Variants in LMNTD1 observed in about 807,000 individuals in gnomAD.
LMNTD1 encodes the protein lamin tail domain containing 1.
In LMNTD1, 35 loss-of-function variants were observed where a neutral mutation model predicts 50.9. The ratio of observed to expected loss-of-function variants is 0.69; its 90% CI spans 0.53 to 0.91. LMNTD1 has a LOEUF of 0.91. Ranked by LOEUF, LMNTD1 falls within the 40% of genes least tolerant of loss-of-function variation. The pLI is 0.00. For synonymous variants in LMNTD1, 153 were observed against 161.9 expected (o/e 0.94, Z 0.42); for missense variants, 470 against 475.5 (o/e 0.99, Z 0.11).
intron 1 of LMNTD1, among the ~76,000 whole-genome samples, chr12:25,642,639 T>G (rs1946979356): frequency 6.6e-6 from 1 of 152,280 alleles, no homozygotes; most frequent in Admixed American, 6.5e-5. Context: ...ATTAGCTTTA[T>G]TCTCCAAATA....
chr12:25,619,252 C>CTCTCTCTCTCTCTCTCTATATATA (rs1374134268), intron 1 of LMNTD1, among the ~76,000 whole-genome samples: 1 of 84,444 alleles, frequency 1.2e-5, no homozygotes, highest in African/African-American at 5.1e-5. Context: ...CTCTCTCTCT[C>CTCTCTCTCTCTCTCTCTATATATA]TATATATATA....
chr12:25,601,332 G>A (rs1945968002), intron 1 of LMNTD1, among the ~76,000 whole-genome samples: 2 of 151,596 alleles, frequency 1.3e-5, no homozygotes, highest in Non-Finnish European at 3.0e-5. Context: ...GGTTGGGAGA[G>A]GTAGAGATGG....
At chr12:25,595,987 T>C (rs748122667) in intron 1 of LMNTD1, among the ~76,000 whole-genome samples, 3 of 151,928 alleles carry the variant, frequency 2.0e-5, no homozygotes, top group Non-Finnish European at 4.4e-5. Flanking sequence ...CTAGAAAACC[T>C]AGGGGAGATG....
At chr12:25,648,569 C>G, upstream of LMNTD1, 1 of 1,550,012 alleles carries the variant, frequency 6.5e-7, no homozygotes, top group Non-Finnish European at 8.7e-7. Context: ...CCTTAAGCTT[C>G]TTCTGTTATG....
intron 1 of LMNTD1, among the ~76,000 whole-genome samples, chr12:25,642,733 C>T (rs1946981317): frequency 1.3e-5 from 2 of 152,174 alleles, no homozygotes; most frequent in South Asian, 4.1e-4. Context: ...TTCTCCTCAT[C>T]TCAGAAAAGA....
At chr12:25,549,132 G>A (rs538520453) in intron 3 of LMNTD1, among the ~76,000 whole-genome samples, 194 bp downstream of exon 3, 1 of 152,100 alleles carries the variant, frequency 6.6e-6, no homozygotes, top group African/African-American at 2.4e-5. Context: ...ATGCATGTAT[G>A]TGGCCTGAAT....
At chr12:25,648,404 T>C (rs1947118728) in intron 1 of LMNTD1, 1 of 1,046,794 alleles carries the variant, frequency 9.6e-7, no homozygotes, top group Admixed American at 2.0e-5. Flanking sequence ...ATGACCACTT[T>C]CTAAAGTGTC....
intron 1 of LMNTD1, among the ~76,000 whole-genome samples, chr12:25,631,605 AC>A (rs1335803393): frequency 1.3e-5 from 2 of 152,214 alleles, no homozygotes; most frequent in East Asian, 1.9e-4. Context: ...GGGGAAGAGT[AC>A]TACATCAAGG....
intron 1 of LMNTD1, among the ~76,000 whole-genome samples, chr12:25,597,320 T>G (rs1373019280): frequency 6.6e-6 from 1 of 151,986 alleles, no homozygotes; most frequent in Admixed American, 6.6e-5. Flanking sequence ...AGACATTCCA[T>G]GCCAATGGAA....
intron 9 of LMNTD1, 24 bp downstream of exon 9, chr12:25,503,714 C>A: frequency 2.3e-6 from 3 of 1,313,642 alleles, no homozygotes; most frequent in East Asian, 2.3e-5. Context: ...GTGGAGAAAG[C>A]AAATTTGCAA....
intron 1 of LMNTD1, among the ~76,000 whole-genome samples, chr12:25,612,075 T>C (rs1030033765): frequency 1.3e-5 from 2 of 152,152 alleles, no homozygotes; most frequent in Non-Finnish European, 2.9e-5. Flanking sequence ...TTGTACCTAT[T>C]CAAAGGTTTT....
At chr12:25,553,333 T>A, upstream of LMNTD1, 1 of 1,101,040 alleles carries the variant, frequency 9.1e-7, no homozygotes, top group Non-Finnish European at 1.2e-6. Flanking sequence ...AGGTAATGTC[T>A]CCATAGTAAC....
intron 4 of LMNTD1, among the ~76,000 whole-genome samples, chr12:25,535,172 T>C (rs985348028): frequency 6.6e-6 from 1 of 152,106 alleles, no homozygotes; most frequent in Non-Finnish European, 1.5e-5. Context: ...GATTTAAAAA[T>C]ACACTGGATG....
Position 25,594,644 on chromosome 12 carries a change from A to C in LMNTD1, c.59-48090T>G, listed in dbSNP as rs190601699. 3.0e-3 allele frequency among the ~76,000 whole-genome samples: 379 copies of C among 126,236 alleles called. 3 individuals carry two copies. The highest frequency in any genetic ancestry group is 0.022 in the East Asian group (89 of 4,048). The allele number at this position is 126,236 out of a possible 152,430, so 82.8% of individuals were successfully genotyped here. A position where few individuals can be genotyped will look rare whatever the true frequency, so the allele number is the denominator to read the frequency against. Reference sequence around the variant, plus strand: ...ATAAATCTCACAGGACCTATAAAACAGAAATACAAAAAAAAAAAAAAAAAA... The same window carrying C: ...ATAAATCTCACAGGACCTATAAAACCGAAATACAAAAAAAAAAAAAAAAAA... On this transcript the variant is annotated intron_variant, in intron 1 of 7. Transcript: ENST00000445693.
At chr12:25,564,094 G>A (rs531294473) in intron 1 of LMNTD1, among the ~76,000 whole-genome samples, 28 of 152,216 alleles carry the variant, frequency 1.8e-4, no homozygotes, top group East Asian at 7.7e-4. Context: ...GACCCCTCGC[G>A]CTTCCCAGGT....
At chr12:25,634,985 A>C (rs1425207904) in intron 1 of LMNTD1, among the ~76,000 whole-genome samples, 2 of 152,180 alleles carry the variant, frequency 1.3e-5, no homozygotes, top group Non-Finnish European at 2.9e-5. Context: ...TCATGCCTGT[A>C]ATCTCAACAC....
intron 1 of LMNTD1, among the ~76,000 whole-genome samples, chr12:25,601,100 T>C (rs1362416158): frequency 6.6e-6 from 1 of 151,904 alleles, no homozygotes; most frequent in African/African-American, 2.4e-5. Context: ...CTATACATAG[T>C]GGAGTACTAC....
chr12:25,583,322 C>T (rs1056984839), intron 1 of LMNTD1, among the ~76,000 whole-genome samples: 2 of 116,338 alleles, frequency 1.7e-5, no homozygotes, highest in South Asian at 2.9e-4. Flanking sequence ...CCACCGTGCC[C>T]GGCCGGTAAT....
rs80286478 is a variant in LMNTD1 at position 25,493,452 on chromosome 12, T to C, written c.*22+10286A>G. On this transcript the variant is annotated intron_variant, in intron 9 of 9. Transcript: ENST00000458174. ...GTTAATTTATAATCTGTAGAACCAA[T>C]TGTTGCTTCAGAGAAGTATTCAAAC... 5.0e-3 allele frequency among the ~76,000 whole-genome samples: 764 copies of C among 152,274 alleles called. 15 individuals are homozygous for C. The highest frequency in any genetic ancestry group is 0.047 in the East Asian group (242 of 5,172).
Sources: gnomAD v4.1 joint callset for allele counts (sites outside exome capture counted in the v4.1 genomes callset) on GRCh38, gnomAD v4.1.1 for gene constraint, MANE v1.5 for transcripts, NCBI Gene and HGNC (gene_info 2026-07-23, HGNC 2026-07-21) for gene names.